The following GLCCI1 variants were observed in gnomAD, a reference collection of about 807,000 sequenced individuals.
GLCCI1 encodes the protein glucocorticoid induced 1.
In GLCCI1, 24 loss-of-function variants were observed where a neutral mutation model predicts 52.2. The ratio of observed to expected loss-of-function variants is 0.46; its 90% CI spans 0.33 to 0.65. GLCCI1 has a LOEUF of 0.65. GLCCI1 is among the 30% of genes least tolerant of loss of function. GLCCI1 has a pLI of 0.02. For missense variants in GLCCI1, 704 were observed against 701.5 expected, an observed-to-expected ratio of 1.00 and a Z score of -0.04; for synonymous variants, 310 against 276.5, an observed-to-expected ratio of 1.12 and a Z score of -1.20.
At chr7:8,025,918 A>C (rs969452408) in intron 3 of GLCCI1, among the ~76,000 whole-genome samples, 4 of 152,250 alleles carry the variant, frequency 2.6e-5, no homozygotes, top group Admixed American at 2.0e-4. Flanking sequence ...AAAACTTGAG[A>C]GAATTTCTCC....
At chr7:8,020,434 G>A (rs1781460647) in intron 2 of GLCCI1, among the ~76,000 whole-genome samples, 1 of 152,096 alleles carries the variant, frequency 6.6e-6, no homozygotes, top group Admixed American at 6.5e-5. Context: ...AACTGAATAA[G>A]TTTTCATATT....
intron 2 of GLCCI1, among the ~76,000 whole-genome samples, chr7:8,013,961 A>G (rs1781324266): frequency 6.6e-6 from 1 of 150,784 alleles, no homozygotes; most frequent in Admixed American, 6.6e-5. Flanking sequence ...GAACCATGTA[A>G]ACTAACAGTT....
In GLCCI1 at chr7:8,073,979, A is replaced by T. The variant is rs116825553; in HGVS notation, c.1177+2848A>T. 8.7e-3 allele frequency among the ~76,000 whole-genome samples: 1,326 copies of T among 152,346 alleles called. 22 individuals are homozygous for T. Among genetic ancestry groups the T allele is most frequent in the African/African-American group, 0.03 (1,238 of 41,584 alleles). ...AATCAAATACCATCTTTATAAAGAGAAAATTAAAATAGCACCTATCCCTTT... is the reference window on the plus strand; with the variant it reads ...AATCAAATACCATCTTTATAAAGAGTAAATTAAAATAGCACCTATCCCTTT... On this transcript the variant is annotated intron_variant, in intron 6 of 7. Transcript: ENST00000223145.
intron 6 of GLCCI1, among the ~76,000 whole-genome samples, chr7:8,081,727 C>A (rs1782997786): frequency 6.6e-6 from 1 of 152,120 alleles, no homozygotes; most frequent in South Asian, 2.1e-4. Flanking sequence ...AATTTATTAT[C>A]ATATGTTTAA....
chr7:8,045,989 T>G (rs1483747396), intron 3 of GLCCI1, among the ~76,000 whole-genome samples: 2 of 151,934 alleles, frequency 1.3e-5, no homozygotes, highest in Non-Finnish European at 2.9e-5. Flanking sequence ...TATAAATGTT[T>G]AAGATGTTCA....
At chr7:8,014,377 C>A (rs1310429063) in intron 2 of GLCCI1, among the ~76,000 whole-genome samples, 1 of 152,156 alleles carries the variant, frequency 6.6e-6, no homozygotes, top group East Asian at 1.9e-4. Flanking sequence ...TGCTGTGAAG[C>A]ATGTGTGTTT....
intron 2 of GLCCI1, among the ~76,000 whole-genome samples, chr7:8,005,075 G>A (rs1425571015): frequency 1.3e-5 from 2 of 152,058 alleles, no homozygotes; most frequent in Non-Finnish European, 2.9e-5. Flanking sequence ...CATTTAGTGA[G>A]GAAGAGGATA....
intron 3 of GLCCI1, among the ~76,000 whole-genome samples, chr7:8,032,711 A>T (rs1781781982): frequency 6.6e-6 from 1 of 152,098 alleles, no homozygotes; most frequent in Non-Finnish European, 1.5e-5. Context: ...TGACTTAGGA[A>T]CAAATAGAAA....
chr7:7,999,532 A>C (rs1302721785), intron 1 of GLCCI1, among the ~76,000 whole-genome samples: 1 of 152,166 alleles, frequency 6.6e-6, no homozygotes, highest in Non-Finnish European at 1.5e-5. Context: ...GCTTGAGCCC[A>C]GGAGTTCCAG....
chr7:8,058,498 A>C, intron 4 of GLCCI1, among the ~76,000 whole-genome samples: 1 of 152,218 alleles, frequency 6.6e-6, no homozygotes, highest in African/African-American at 2.4e-5. Context: ...ATAAAATTAT[A>C]GCAATTAAGT....
intron 3 of GLCCI1, among the ~76,000 whole-genome samples, chr7:8,044,581 G>C (rs554669300): frequency 1.3e-5 from 2 of 152,186 alleles, no homozygotes; most frequent in Middle Eastern, 3.4e-3. Context: ...ATGTTGCCCA[G>C]GCTGGTCTCA....
chr7:8,050,488 T>A (rs1178136661), intron 3 of GLCCI1, among the ~76,000 whole-genome samples: 1 of 152,328 alleles, frequency 6.6e-6, no homozygotes, highest in Middle Eastern at 3.4e-3. Context: ...ACCTTTCTTT[T>A]GGGACATGTG....
At chr7:8,006,351 G>C (rs186702728) in intron 2 of GLCCI1, among the ~76,000 whole-genome samples, 23 of 152,270 alleles carry the variant, frequency 1.5e-4, no homozygotes, top group Admixed American at 1.5e-3. Flanking sequence ...CAGAGTAGGA[G>C]ACCCTACTAT....
chr7:7,969,297 T>A lies in GLCCI1; in HGVS notation c.-54T>A. ...GCCGGCTCCCACACGCTCGCGCGCC[T>A]CCCGCCCCGCGCCTCCGTGTCGGCC... On this transcript the variant is annotated 5_prime_UTR_variant, in exon 1 of 8. Transcript: ENST00000223145. The surrounding 1 kb of genome is among the most constrained non-coding windows in gnomAD (Gnocchi z 4.9). 1.7e-6 allele frequency: 2 copies of A among 1,198,538 alleles called. No individual in the cohort carries two copies. The highest frequency in any genetic ancestry group is 1.5e-5 in the South Asian group (1 of 67,032). The allele number at this position is 1,198,538 out of a possible 1,614,324, so 74.2% of individuals were successfully genotyped here.
At chr7:8,058,390 A>C (rs1782444339) in intron 4 of GLCCI1, among the ~76,000 whole-genome samples, 1 of 152,156 alleles carries the variant, frequency 6.6e-6, no homozygotes, top group African/African-American at 2.4e-5. Flanking sequence ...TGTTTTTATT[A>C]CTTGAAAAAC....
At chr7:8,036,037 C>A (rs1583989327) in intron 3 of GLCCI1, among the ~76,000 whole-genome samples, 1 of 152,222 alleles carries the variant, frequency 6.6e-6, no homozygotes, top group East Asian at 1.9e-4. Flanking sequence ...AGAGATCCTT[C>A]CAGTAAACAA....
intron 5 of GLCCI1, among the ~76,000 whole-genome samples, chr7:8,069,774 C>T (rs1035762650): frequency 6.6e-6 from 1 of 152,186 alleles, no homozygotes; most frequent in Non-Finnish European, 1.5e-5. Context: ...TTTTGAATTT[C>T]ACCTGATTTT....
At chr7:8,014,032 C>G (rs967014467) in intron 2 of GLCCI1, among the ~76,000 whole-genome samples, 30 of 151,522 alleles carry the variant, frequency 2.0e-4, no homozygotes, top group African/African-American at 1.2e-4. Context: ...CTCTGTCGCC[C>G]AGGCTGGAGT....
intron 1 of GLCCI1, among the ~76,000 whole-genome samples, chr7:7,977,526 C>A (rs1015902454): frequency 6.6e-6 from 1 of 152,094 alleles, no homozygotes; most frequent in Admixed American, 6.5e-5. Context: ...TAAATGTATC[C>A]TGGGAAATAC....
Sources: gnomAD v4.1 joint callset for allele counts (sites outside exome capture counted in the v4.1 genomes callset) on GRCh38, gnomAD v4.1.1 for gene constraint, Gnocchi (gnomAD v3.1) non-coding constraint, MANE v1.5 for transcripts, NCBI Gene and HGNC (gene_info 2026-07-23, HGNC 2026-07-21) for gene names.